The following PLPPR1 variants were observed in gnomAD, a reference collection of about 807,000 sequenced individuals.
The protein encoded by PLPPR1 is phospholipid phosphatase related 1.
A neutral mutation model predicts 33.1 loss-of-function variants in PLPPR1; 10 were observed. That is an observed-to-expected ratio of 0.30 (90% CI 0.19 to 0.51). The LOEUF (loss-of-function observed/expected upper bound fraction) is 0.51. Ranked by LOEUF, PLPPR1 falls within the 20% of genes least tolerant of loss-of-function variation. The pLI, the probability that PLPPR1 is intolerant of heterozygous loss-of-function variation, is 0.97. For missense variants in PLPPR1, 304 were observed against 408.1 expected (o/e 0.74, Z 2.20); for synonymous variants, 151 against 151.0 (o/e 1.00, Z 0.00).
At chr9:101,217,619 C>T (rs1270390837) in intron 2 of PLPPR1, among the ~76,000 whole-genome samples, 1 of 152,054 alleles carries the variant, frequency 6.6e-6, no homozygotes, top group East Asian at 1.9e-4. Flanking sequence ...GCAAAAGCAG[C>T]CATACATAAT....
chr9:101,121,574 T>G (rs1031748312), intron 1 of PLPPR1, among the ~76,000 whole-genome samples: 1 of 152,162 alleles, frequency 6.6e-6, no homozygotes, highest in Non-Finnish European at 1.5e-5. Flanking sequence ...CAAGGAGTAT[T>G]TTTTTTGTCA....
intron 4 of PLPPR1, among the ~76,000 whole-genome samples, chr9:101,301,939 A>G (rs1017644344): frequency 6.6e-6 from 1 of 152,190 alleles, no homozygotes; most frequent in African/African-American, 2.4e-5. Context: ...TGCTGTGTGC[A>G]TGTGTGTGTG....
intron 2 of PLPPR1, among the ~76,000 whole-genome samples, chr9:101,221,590 T>C (rs1447341443): frequency 1.3e-5 from 2 of 152,208 alleles, no homozygotes; most frequent in Non-Finnish European, 2.9e-5. Context: ...ACCAGTCACA[T>C]ACACCATATT....
At chr9:101,054,502 C>T (rs1355191283) in intron 1 of PLPPR1, among the ~76,000 whole-genome samples, 2 of 152,078 alleles carry the variant, frequency 1.3e-5, no homozygotes, top group East Asian at 1.9e-4. Flanking sequence ...ATGGTATTGG[C>T]GTACTGGCAT....
intron 2 of PLPPR1, among the ~76,000 whole-genome samples, chr9:101,250,049 T>A (rs1024900703): frequency 1.1e-4 from 17 of 152,072 alleles, no homozygotes; most frequent in African/African-American, 4.1e-4. Flanking sequence ...TAGGAAACAC[T>A]TTACATGATA....
At chr9:101,073,334 G>T (rs780193928) in intron 1 of PLPPR1, among the ~76,000 whole-genome samples, 2 of 152,044 alleles carry the variant, frequency 1.3e-5, no homozygotes, top group Non-Finnish European at 2.9e-5. Context: ...ATATAGTGAG[G>T]GGTGTTATGC....
At chr9:101,186,327 G>A (rs1045637551) in intron 2 of PLPPR1, among the ~76,000 whole-genome samples, 4 of 151,602 alleles carry the variant, frequency 2.6e-5, no homozygotes, top group Admixed American at 1.3e-4. Flanking sequence ...CTAGTGGATC[G>A]GTTTTTTTTT....
intron 1 of PLPPR1, among the ~76,000 whole-genome samples, chr9:101,092,555 G>A (rs1355450585): frequency 6.6e-6 from 1 of 152,052 alleles, no homozygotes; most frequent in Non-Finnish European, 1.5e-5. Context: ...CTACCTCTCT[G>A]TGCCCCATGC....
chr9:101,081,499 T>G (rs1830619447), intron 1 of PLPPR1, among the ~76,000 whole-genome samples: 1 of 152,154 alleles, frequency 6.6e-6, no homozygotes, highest in African/African-American at 2.4e-5. Flanking sequence ...GGCCAATGCA[T>G]GTATTTAATT....
At chr9:101,155,563 A>G (rs911596679) in intron 1 of PLPPR1, among the ~76,000 whole-genome samples, 4 of 151,198 alleles carry the variant, frequency 2.6e-5, no homozygotes, top group Admixed American at 2.0e-4. Context: ...ACCTCTCAAC[A>G]TTGTTGCATT....
At chr9:101,076,230 C>G (rs1333579579) in intron 1 of PLPPR1, among the ~76,000 whole-genome samples, 1 of 152,066 alleles carries the variant, frequency 6.6e-6, no homozygotes, top group Non-Finnish European at 1.5e-5. Context: ...CTGATGCATG[C>G]TTAAGCTTGG....
intron 1 of PLPPR1, among the ~76,000 whole-genome samples, chr9:101,159,856 T>C (rs554878829): frequency 6.6e-6 from 1 of 152,342 alleles, no homozygotes; most frequent in African/African-American, 2.4e-5. Flanking sequence ...TTGACAGTTT[T>C]AACCTTTGCA....
At chr9:101,316,396 G>C (rs7023799) in intron 6 of PLPPR1, among the ~76,000 whole-genome samples, 64,082 of 150,692 alleles carry the variant, frequency 0.43, 14,904 homozygotes, top group African/African-American at 0.63. Flanking sequence ...GAGATCGTAC[G>C]ACTGCACTCC....
At chr9:101,315,867 G>A (rs1269445805) in intron 6 of PLPPR1, among the ~76,000 whole-genome samples, 2 of 152,202 alleles carry the variant, frequency 1.3e-5, no homozygotes, top group Non-Finnish European at 2.9e-5. Context: ...ATGTTCAATA[G>A]TGCTTTATGT....
At position 101,079,729 on chromosome 9, in the gene PLPPR1, G is replaced by A. The variant is rs529555549; in HGVS notation, c.-46+50627G>A. 9.9e-5 allele frequency among the ~76,000 whole-genome samples: 15 copies of A among 152,098 alleles called. No homozygotes were observed. The South Asian group carries it at 1.2e-3, about 13-fold the overall frequency. ...TGAGTAGCTGGGATTACAGGTGTGC[G>A]CCACAACACCTGGCTAATTTTTGTA... On this transcript the variant is annotated intron_variant, in intron 1 of 7. Transcript: ENST00000374874.
intron 1 of PLPPR1, among the ~76,000 whole-genome samples, chr9:101,050,317 T>C (rs1830206432): frequency 6.6e-6 from 1 of 152,038 alleles, no homozygotes; most frequent in African/African-American, 2.4e-5. Flanking sequence ...TGTACATGTG[T>C]TGAGAGAATT....
chr9:101,053,144 A>G (rs1468185872), intron 1 of PLPPR1, among the ~76,000 whole-genome samples: 2 of 152,204 alleles, frequency 1.3e-5, no homozygotes, highest in Admixed American at 6.5e-5. Context: ...AAAACAGAAC[A>G]TGTAAAAATA....
intron 1 of PLPPR1, among the ~76,000 whole-genome samples, chr9:101,154,623 A>T (rs1220481448): frequency 6.6e-6 from 1 of 152,130 alleles, no homozygotes; most frequent in African/African-American, 2.4e-5. Context: ...TATATACTCA[A>T]AGGATTATGA....
chr9:101,264,890 A>C (rs1354691865), intron 2 of PLPPR1, among the ~76,000 whole-genome samples: 2 of 152,050 alleles, frequency 1.3e-5, no homozygotes, highest in Non-Finnish European at 2.9e-5. Context: ...TGCCCTTTAC[A>C]CTTCAGACAA....
Sources: allele counts gnomAD v4.1 joint callset (sites outside exome capture counted in the v4.1 genomes callset), GRCh38; gene constraint gnomAD v4.1.1; transcripts MANE v1.5; gene names NCBI Gene and HGNC (gene_info 2026-07-23, HGNC 2026-07-21).